ADGRL3: variants seen among roughly 807,000 people sequenced by gnomAD.
The protein encoded by ADGRL3 is adhesion G protein-coupled receptor L3.
In ADGRL3, 62 loss-of-function variants were observed where a neutral mutation model predicts 153.5. The observed-to-expected ratio is 0.40, with a 90% CI of 0.33 to 0.50. ADGRL3 has a LOEUF of 0.50. Ranked by LOEUF, ADGRL3 falls within the 20% of genes least tolerant of loss-of-function variation. ADGRL3 has a pLI of 0.47. For synonymous variants in ADGRL3, 710 were observed against 672.5 expected (o/e 1.06, Z -0.86); for missense variants, 1,641 against 1,859.4 (o/e 0.88, Z 2.16).
At chr4:61,777,388 A>G (rs958741122) in intron 8 of ADGRL3, among the ~76,000 whole-genome samples, 1 of 151,964 alleles carries the variant, frequency 6.6e-6, no homozygotes, top group Non-Finnish European at 1.5e-5. Flanking sequence ...CTCACTATAT[A>G]CCTTTTTATT....
intron 17 of ADGRL3, among the ~76,000 whole-genome samples, chr4:61,959,570 A>G (rs2098980277): frequency 6.6e-6 from 1 of 152,178 alleles, no homozygotes; most frequent in African/African-American, 2.4e-5. Flanking sequence ...AAACAGTCAC[A>G]GTTTGGAACA....
chr4:61,727,708 G>T (rs942703474), intron 6 of ADGRL3, among the ~76,000 whole-genome samples: 1 of 151,852 alleles, frequency 6.6e-6, no homozygotes, highest in African/African-American at 2.4e-5. Context: ...ATATTTAATG[G>T]GTTAGAGATA....
intron 17 of ADGRL3, among the ~76,000 whole-genome samples, chr4:61,976,530 G>A (rs2099048667): frequency 6.6e-6 from 1 of 152,118 alleles, no homozygotes; most frequent in African/African-American, 2.4e-5. Flanking sequence ...GAGAGAGTGA[G>A]AATACAGAAA....
At chr4:61,760,751 T>A (rs1421306416) in intron 8 of ADGRL3, among the ~76,000 whole-genome samples, 3 of 152,218 alleles carry the variant, frequency 2.0e-5, no homozygotes, top group Non-Finnish European at 4.4e-5. Flanking sequence ...GGGTCGCTCA[T>A]GCTGGGAGCT....
intron 3 of ADGRL3, among the ~76,000 whole-genome samples, chr4:61,506,665 G>T (rs993508714): frequency 6.6e-6 from 1 of 152,102 alleles, no homozygotes; most frequent in Non-Finnish European, 1.5e-5. Context: ...AAATTGAATA[G>T]TGAGTGACAG....
At chr4:61,754,413 G>A (rs549120319) in intron 8 of ADGRL3, among the ~76,000 whole-genome samples, 98 of 151,806 alleles carry the variant, frequency 6.5e-4, no homozygotes, top group African/African-American at 2.3e-3. Flanking sequence ...CAGCTTGAGA[G>A]AAAAAGAGAA....
rs1041964624 is a variant in ADGRL3, at chr4:62,022,089, A to C, written c.3396-6766A>C. On this transcript the variant is annotated intron_variant, in intron 21 of 26. Coordinates refer to ENST00000683033, the MANE Select transcript of ADGRL3 (RefSeq NM_001387552.1). ...AACAGTTAGCCAAGTTGTGAATGCA[A>C]AGTAAGGTTCTTGAAGGAAATTGAA... 9.2e-5 allele frequency among the ~76,000 whole-genome samples: 14 copies of C among 152,010 alleles called. 1 individual carries two copies. Among genetic ancestry groups the C allele is most frequent in the African/African-American group, 3.1e-4 (13 of 41,456 alleles).
intron 1 of ADGRL3, among the ~76,000 whole-genome samples, chr4:61,232,994 C>A (rs1181447538): frequency 6.6e-6 from 1 of 152,166 alleles, no homozygotes; most frequent in Non-Finnish European, 1.5e-5. Flanking sequence ...CTCAATGACT[C>A]TATAACGTAG....
intron 9 of ADGRL3, among the ~76,000 whole-genome samples, chr4:61,851,086 G>A (rs202162508): frequency 4.8e-5 from 5 of 103,246 alleles, no homozygotes; most frequent in Middle Eastern, 4.4e-3. Context: ...ATTTTTAAAC[G>A]TGTAATTTTA....
At chr4:61,861,029 T>C (rs2149278027) in intron 9 of ADGRL3, among the ~76,000 whole-genome samples, 1 of 152,328 alleles carries the variant, frequency 6.6e-6, no homozygotes, top group Middle Eastern at 3.4e-3. Flanking sequence ...ATAGTAAATA[T>C]TGAAATCTAT....
At chr4:61,450,853 A>T (rs1178257977) in intron 2 of ADGRL3, among the ~76,000 whole-genome samples, 1 of 152,116 alleles carries the variant, frequency 6.6e-6, no homozygotes, top group Non-Finnish European at 1.5e-5. Context: ...AATATTGAAG[A>T]CGAGGCTTTA....
intron 6 of ADGRL3, among the ~76,000 whole-genome samples, chr4:61,701,123 G>A (rs1202490473): frequency 6.6e-6 from 1 of 152,206 alleles, no homozygotes; most frequent in East Asian, 1.9e-4. Flanking sequence ...AGAAGAAAAG[G>A]TAGAGAACAA....
chr4:61,353,600 A>ATTTTTTTTTT (rs34199193), intron 1 of ADGRL3, among the ~76,000 whole-genome samples: 2 of 118,840 alleles, frequency 1.7e-5, no homozygotes, highest in Admixed American at 1.0e-4. Flanking sequence ...TTTTCTTTCA[A>ATTTTTTTTTT]TTTTTTTTTT....
intron 2 of ADGRL3, among the ~76,000 whole-genome samples, chr4:61,457,159 T>G (rs1037292356): frequency 6.6e-6 from 1 of 152,018 alleles, no homozygotes; most frequent in African/African-American, 2.4e-5. Flanking sequence ...TATTAAAACA[T>G]GATTTGAAAA....
chr4:61,569,704 A>G (rs2098830652), intron 4 of ADGRL3, among the ~76,000 whole-genome samples: 1 of 152,122 alleles, frequency 6.6e-6, no homozygotes, highest in Non-Finnish European at 1.5e-5. Context: ...GGCTTCTTTT[A>G]TTTGGCATAT....
chr4:61,816,952 A>T (rs1325920325), intron 9 of ADGRL3, among the ~76,000 whole-genome samples: 3 of 151,964 alleles, frequency 2.0e-5, no homozygotes, highest in African/African-American at 7.3e-5. Context: ...CCTGGTGCCC[A>T]CTCCAATTTT....
intron 13 of ADGRL3, among the ~76,000 whole-genome samples, chr4:61,915,219 T>A (rs2098739844): frequency 6.7e-6 from 1 of 149,866 alleles, no homozygotes; most frequent in South Asian, 2.1e-4. Context: ...GGGGAAAAAT[T>A]GCTTTGGGAG....
chr4:61,725,348 C>T lies in ADGRL3; in HGVS notation c.584-5274C>T, dbSNP rs193030990. ...CTACTTAAGGCTGGGTGCAGTGGCT[C>T]ATGCCTGTAATCCCAGCACTTTGGG... On this transcript the variant is annotated intron_variant, in intron 6 of 26. Transcript: ENST00000683033. 9.3e-4 allele frequency among the ~76,000 whole-genome samples: 142 copies of T among 152,190 alleles called. 2 individuals carry two copies. In the Middle Eastern group the frequency reaches 0.01, roughly 11 times the overall value.
chr4:61,647,568 G>A (rs2094074181), intron 5 of ADGRL3, among the ~76,000 whole-genome samples: 1 of 152,008 alleles, frequency 6.6e-6, no homozygotes, highest in African/African-American at 2.4e-5. Flanking sequence ...TGGTAGGCGT[G>A]CCATTCAGAT....
Sources: gnomAD v4.1 joint callset for allele counts (sites outside exome capture counted in the v4.1 genomes callset) on GRCh38, gnomAD v4.1.1 for gene constraint, MANE v1.5 for transcripts, NCBI Gene and HGNC (gene_info 2026-07-23, HGNC 2026-07-21) for gene names.